HMCN1: variants seen among roughly 807,000 people sequenced by gnomAD.
HMCN1 encodes the protein hemicentin-1.
In HMCN1, 321 loss-of-function variants were observed where a neutral mutation model predicts 625.9. The observed-to-expected ratio is 0.51, with a 90% CI of 0.47 to 0.56. The LOEUF (loss-of-function observed/expected upper bound fraction) is 0.56. Ranked by LOEUF, HMCN1 falls within the 20% of genes least tolerant of loss-of-function variation. HMCN1 has a pLI of 0.00. For synonymous variants in HMCN1, 2,425 were observed against 2,417.6 expected, an observed-to-expected ratio of 1.00 and a Z score of -0.09; for missense variants, 6,588 against 6,887.3, an observed-to-expected ratio of 0.96 and a Z score of 1.54.
At chr1:186,055,305 A>T in intron 44 of HMCN1, 88 bp from the exon 45 acceptor site, 1 of 1,156,106 alleles carries the variant, frequency 8.6e-7, no homozygotes, top group Non-Finnish European at 1.3e-6. Flanking sequence ...ATAAAAATAT[A>T]TTTAAGTTTG....
chr1:185,829,893 G>A (rs1571414167), intron 1 of HMCN1, among the ~76,000 whole-genome samples: 1 of 152,202 alleles, frequency 6.6e-6, no homozygotes, highest in South Asian at 2.1e-4. Flanking sequence ...TTTCTCCACA[G>A]CCTTGCCAGA....
At chr1:186,166,152 A>G in intron 98 of HMCN1, 32 bp from the exon 99 acceptor site, 1 of 1,613,032 alleles carries the variant, frequency 6.2e-7, no homozygotes, top group Middle Eastern at 1.7e-4. Context: ...GATTTTACAT[A>G]CTGATTTGGG....
chr1:186,120,249 T>G (rs936134475), intron 80 of HMCN1, 104 bp downstream of exon 80: 2 of 1,258,846 alleles, frequency 1.6e-6, no homozygotes, highest in Non-Finnish European at 2.2e-6. Context: ...CCCCCATAGT[T>G]CTCGACATTC....
intron 11 of HMCN1, among the ~76,000 whole-genome samples, chr1:185,947,224 A>T (rs1668394120): frequency 6.6e-6 from 1 of 152,194 alleles, no homozygotes; most frequent in Non-Finnish European, 1.5e-5. Context: ...GTTGTCCAAT[A>T]GGACTTTCTG....
At chr1:185,898,786 C>A (rs1325586888) in intron 4 of HMCN1, among the ~76,000 whole-genome samples, 2 of 151,786 alleles carry the variant, frequency 1.3e-5, no homozygotes, top group Non-Finnish European at 2.9e-5. Context: ...GGGCCTTGTT[C>A]ATTTACTCAA....
intron 49 of HMCN1, among the ~76,000 whole-genome samples, chr1:186,066,166 A>T (rs959317808): frequency 6.6e-6 from 1 of 152,178 alleles, no homozygotes; most frequent in African/African-American, 2.4e-5. Flanking sequence ...AAAATACCAG[A>T]TACTGTATAA....
At chr1:185,785,466 A>G (rs1234608831) in intron 1 of HMCN1, among the ~76,000 whole-genome samples, 1 of 152,116 alleles carries the variant, frequency 6.6e-6, no homozygotes, top group Non-Finnish European at 1.5e-5. Flanking sequence ...TATTTTGTTC[A>G]TTTGTTAGGC....
At chr1:185,809,118 C>T (rs1299917488) in intron 1 of HMCN1, among the ~76,000 whole-genome samples, 2 of 152,108 alleles carry the variant, frequency 1.3e-5, no homozygotes, top group African/African-American at 4.8e-5. Flanking sequence ...ATTAACGTCT[C>T]TTTCATTCCT....
At chr1:186,009,551 T>C (rs898591379) in intron 30 of HMCN1, among the ~76,000 whole-genome samples, 7 of 152,122 alleles carry the variant, frequency 4.6e-5, no homozygotes, top group Non-Finnish European at 7.4e-5. Flanking sequence ...AGATTTCAGA[T>C]TGAGAGTGTG....
chr1:185,868,192 G>A (rs1462784254), intron 4 of HMCN1, among the ~76,000 whole-genome samples: 1 of 152,148 alleles, frequency 6.6e-6, no homozygotes, highest in Non-Finnish European at 1.5e-5. Flanking sequence ...TCCTGGGAAT[G>A]TGACTCCATT....
chr1:186,034,591 G>A (rs776685813), intron 36 of HMCN1, among the ~76,000 whole-genome samples: 1 of 152,078 alleles, frequency 6.6e-6, no homozygotes, highest in Non-Finnish European at 1.5e-5. Flanking sequence ...CAGGTCGCTC[G>A]AAACCTATTG....
At chr1:186,135,989 T>C (rs1649577848) in intron 86 of HMCN1, among the ~76,000 whole-genome samples, 2 of 152,150 alleles carry the variant, frequency 1.3e-5, no homozygotes, top group South Asian at 4.1e-4. Flanking sequence ...TACATGTTTA[T>C]TGAATAAATG....
At chr1:186,093,461 C>G in intron 65 of HMCN1, 25 bp from the exon 66 acceptor site, 4 of 1,610,498 alleles carry the variant, frequency 2.5e-6, no homozygotes, top group Non-Finnish European at 3.4e-6. Flanking sequence ...CCTCTTCCCT[C>G]TCTCTCACTT....
rs547926479 is a variant in HMCN1 at position 186,100,855 on chromosome 1, A to G, written c.10574-2617A>G. ...TTACAACATGGTTGTTTGGTGATCA[A>G]TGCAGTATCTGCTCACCCCTAGCAT... On this transcript the variant is annotated intron_variant, in intron 68 of 106. Transcript: ENST00000271588. Among the ~76,000 whole-genome samples the G allele has an allele frequency of 5.9e-5, 9 of 152,272 alleles. No individual in the cohort carries two copies. In the South Asian group the frequency reaches 1.2e-3, roughly 21 times the overall value.
At chr1:185,908,315 A>T (rs1037405438) in intron 4 of HMCN1, among the ~76,000 whole-genome samples, 1 of 151,940 alleles carries the variant, frequency 6.6e-6, no homozygotes, top group Non-Finnish European at 1.5e-5. Flanking sequence ...GACCACTTAC[A>T]CCTAAATTTC....
intron 82 of HMCN1, among the ~76,000 whole-genome samples, chr1:186,126,736 C>T (rs915666006): frequency 6.6e-6 from 1 of 152,146 alleles, no homozygotes; most frequent in Non-Finnish European, 1.5e-5. Flanking sequence ...AGGAGAAAGA[C>T]GTCAGTGATA....
intron 10 of HMCN1, among the ~76,000 whole-genome samples, chr1:185,933,258 C>T (rs1046536103): frequency 1.3e-5 from 2 of 152,140 alleles, no homozygotes; most frequent in African/African-American, 4.8e-5. Flanking sequence ...TCACAATCCT[C>T]AGTCAGTCAA....
At position 185,963,767 on chromosome 1, in the gene HMCN1, G is replaced by T; in HGVS notation, c.1971-1G>T. 4 of 1,593,816 alleles carry T rather than the reference G, an allele frequency of 2.5e-6. No homozygotes were observed. In the South Asian group the frequency reaches 4.4e-5, roughly 18 times the overall value. ...ATATTCTTTTTGTTTTTTATTCATA[G>T]GTATAGGATGACCTCAGATGGTACC... On this transcript the variant is annotated splice_acceptor_variant, in intron 12 of 106. Transcript: ENST00000271588. LOFTEE classifies it high-confidence loss of function.
intron 6 of HMCN1, among the ~76,000 whole-genome samples, chr1:185,914,671 C>T (rs1487385927): frequency 6.6e-6 from 1 of 151,842 alleles, no homozygotes; most frequent in African/African-American, 2.4e-5. Flanking sequence ...TTATAACTAT[C>T]CCACAAAGTT....
Sources: allele counts gnomAD v4.1 joint callset (sites outside exome capture counted in the v4.1 genomes callset), GRCh38; gene constraint gnomAD v4.1.1; transcripts MANE v1.5; gene names NCBI Gene and HGNC (gene_info 2026-07-23, HGNC 2026-07-21).